Variants in THADA observed in about 807,000 individuals in gnomAD.
The protein encoded by THADA is THADA armadillo repeat containing.
In THADA, 213 loss-of-function variants were observed where a neutral mutation model predicts 219.8. That is an observed-to-expected ratio of 0.97 (90% confidence interval 0.87 to 1.09). The LOEUF (loss-of-function observed/expected upper bound fraction) is 1.09. Ranked by LOEUF, THADA falls within the 50% of genes least tolerant of loss-of-function variation. THADA has a pLI of 0.00. For missense variants in THADA, 2,956 were observed against 2,311.3 expected, an observed-to-expected ratio of 1.28 and a Z score of -5.72; for synonymous variants, 1,018 against 828.9, an observed-to-expected ratio of 1.23 and a Z score of -3.92.
intron 36 of THADA, among the ~76,000 whole-genome samples, chr2:43,260,275 A>AT (rs1670793055): frequency 6.6e-6 from 1 of 152,224 alleles, no homozygotes; most frequent in African/African-American, 2.4e-5. Flanking sequence ...ATACAGGGAA[A>AT]TGACAGGGTG....
At chr2:43,537,825 C>T (rs759005975) in intron 21 of THADA, among the ~76,000 whole-genome samples, 1 of 150,448 alleles carries the variant, frequency 6.6e-6, no homozygotes, top group African/African-American at 2.5e-5. Context: ...GGAGTGGTAG[C>T]ACACACCTAT....
intron 26 of THADA, among the ~76,000 whole-genome samples, 181 bp downstream of exon 26, chr2:43,485,053 C>T (rs537315238): frequency 2.0e-5 from 3 of 151,908 alleles, no homozygotes; most frequent in East Asian, 3.9e-4. Flanking sequence ...ACTTATTAAA[C>T]AGTTGATATT....
In THADA at chr2:43,578,560, G is replaced by T. The variant is rs748307255; in HGVS notation, c.769C>A (p.Leu257Ile). ...GGGTGAAACATAGTCTTAATAAAAA[G>T]AATAATAGCTAATCCAGATGTGCTC... ...VQSTSGLAII[L>I]FIKTMFHPSE... The change falls in exon 9 of 38, where the codon CTT becomes ATT. Residue 257 changes from leucine to isoleucine, a missense_variant. By Grantham distance (5) the Leu-to-Ile change is conservative (BLOSUM62 2). Transcript: ENST00000405975. The T allele has an allele frequency of 3.1e-6, 5 of 1,612,912 alleles. No individual in the cohort carries two copies. Among genetic ancestry groups the T allele is most frequent in the East Asian group, 4.5e-5 (2 of 44,834 alleles).
chr2:43,400,092 A>G (rs1457990515), intron 28 of THADA, among the ~76,000 whole-genome samples: 1 of 152,162 alleles, frequency 6.6e-6, no homozygotes, highest in African/African-American at 2.4e-5. Context: ...TAACTCTGAC[A>G]TGGTTACAGA....
At chr2:43,328,822 G>A (rs1679630783) in intron 30 of THADA, among the ~76,000 whole-genome samples, 1 of 152,174 alleles carries the variant, frequency 6.6e-6, no homozygotes, top group African/African-American at 2.4e-5. Context: ...GTTTCCCTTA[G>A]GATTGCTGCT....
chr2:43,447,960 T>C (rs905368488), intron 26 of THADA, among the ~76,000 whole-genome samples: 1 of 152,216 alleles, frequency 6.6e-6, no homozygotes, highest in South Asian at 2.1e-4. Flanking sequence ...GATTTGTCTC[T>C]ATGTTATCCG....
At chr2:43,505,802 G>C (rs375709433) in intron 23 of THADA, 67 bp from the exon 24 acceptor site, 1 of 1,134,846 alleles carries the variant, frequency 8.8e-7, no homozygotes, top group African/African-American at 1.6e-5. Context: ...CTGCTTCCCT[G>C]GATCAATCCC....
intron 29 of THADA, 138 bp from the exon 30 acceptor site, chr2:43,344,375 C>T (rs1238551098): frequency 8.3e-6 from 5 of 601,762 alleles, no homozygotes; most frequent in African/African-American, 1.9e-5. Flanking sequence ...GGTCTCTTTG[C>T]AGAAAGGCAT....
At chr2:43,556,212 C>T in intron 17 of THADA, 133 bp downstream of exon 17, 4 of 1,469,478 alleles carry the variant, frequency 2.7e-6, no homozygotes, top group Non-Finnish European at 3.6e-6. Flanking sequence ...AATGAGAACC[C>T]ATGGTGCTCT....
At chr2:43,511,935 G>C (rs539409679) in intron 22 of THADA, among the ~76,000 whole-genome samples, 1 of 152,310 alleles carries the variant, frequency 6.6e-6, no homozygotes, top group African/African-American at 2.4e-5. Flanking sequence ...TGAGATGACT[G>C]GGGAAAGAGC....
At chr2:43,334,762 G>C (rs929034674) in intron 30 of THADA, among the ~76,000 whole-genome samples, 2 of 151,396 alleles carry the variant, frequency 1.3e-5, no homozygotes, top group Non-Finnish European at 2.9e-5. Context: ...GCGACAGAGC[G>C]AGACTCCGTC....
At chr2:43,566,440 A>T in intron 15 of THADA, 1 of 714,528 alleles carries the variant, frequency 1.4e-6, no homozygotes, top group Non-Finnish European at 2.6e-6. Context: ...TAATAGCTGG[A>T]ACTCTTTCCA....
chr2:43,516,981 T>C (rs1337483966), intron 22 of THADA, among the ~76,000 whole-genome samples: 1 of 152,152 alleles, frequency 6.6e-6, no homozygotes, highest in Non-Finnish European at 1.5e-5. Context: ...AGATATTAAC[T>C]TCCTGATCAT....
At chr2:43,327,893 C>T (rs1679521584) in intron 30 of THADA, among the ~76,000 whole-genome samples, 1 of 152,110 alleles carries the variant, frequency 6.6e-6, no homozygotes, top group African/African-American at 2.4e-5. Context: ...GTTGAGCTTC[C>T]CCTTCTCCCA....
chr2:43,509,083 A>G (rs1451774385), intron 22 of THADA, among the ~76,000 whole-genome samples: 1 of 152,246 alleles, frequency 6.6e-6, no homozygotes, highest in African/African-American at 2.4e-5. Flanking sequence ...GGTCTCACAG[A>G]TATTTCATAC....
chr2:43,563,741 A>C (rs942183751), intron 15 of THADA: 3 of 152,228 alleles, frequency 2.0e-5, no homozygotes, highest in African/African-American at 7.2e-5. Flanking sequence ...CTGGTCTAGG[A>C]AAGGCAGAAA....
In THADA at chr2:43,556,334, T is replaced by C. The variant is rs1217501891; in HGVS notation, c.2674+11A>G. 6.2e-7 allele frequency: 1 copy of C among 1,613,134 alleles called. No homozygotes were observed. The highest frequency in any genetic ancestry group is 8.5e-7 in the Non-Finnish European group (1 of 1,179,596). On this transcript the variant is annotated intron_variant, in intron 17 of 37. Coordinates refer to ENST00000405975, the MANE Select transcript of THADA (RefSeq NM_022065.5). ...CTATTCGTTTTGATAAGAGCAAACATCAATACAAACCCATTAATGTGTTCC... is the reference window on the plus strand; with the variant it reads ...CTATTCGTTTTGATAAGAGCAAACACCAATACAAACCCATTAATGTGTTCC...
In THADA at chr2:43,498,937, G is replaced by C; in HGVS notation, c.3640C>G (p.Leu1214Val). 6.4e-7 allele frequency: 1 copy of C among 1,574,366 alleles called. No homozygotes were observed. Among genetic ancestry groups the C allele is most frequent in the Non-Finnish European group, 8.6e-7 (1 of 1,159,276 alleles). The change falls in exon 25 of 38, where the codon CTT (leucine) becomes GTT (valine). Residue 1214 changes from leucine (L) to valine (V), a missense_variant. By Grantham distance (32) the Leu-to-Val change is conservative (BLOSUM62 1). Transcript: ENST00000405975. ...CGCGTATCTCTGAACAATGCTCTAA[G>C]GATATTTAAAGCATGAACCTAAAAC... The part of the protein sequence containing the change: ...TVPQVHALNI[L>V]RALFRDTRLG...
chr2:43,577,788 C>T (rs1044823358), intron 9 of THADA, among the ~76,000 whole-genome samples: 4 of 151,844 alleles, frequency 2.6e-5, no homozygotes, highest in African/African-American at 9.7e-5. Flanking sequence ...AGCATGCTTC[C>T]TGTCTAAAGC....
Sources: allele counts gnomAD v4.1 joint callset (sites outside exome capture counted in the v4.1 genomes callset), GRCh38; gene constraint gnomAD v4.1.1; transcripts MANE v1.5; gene names NCBI Gene and HGNC (gene_info 2026-07-23, HGNC 2026-07-21).